The following HACE1 variants were observed in gnomAD, a reference collection of about 807,000 sequenced individuals.
HACE1 encodes the protein HECT domain and ankyrin repeat containing E3 ubiquitin protein ligase 1.
HACE1 carries 73 observed loss-of-function variants against 118.4 expected under a neutral mutation model. That is an observed-to-expected ratio of 0.62 (90% confidence interval 0.51 to 0.75). HACE1 has a LOEUF of 0.75. Ranked by LOEUF, HACE1 falls within the 30% of genes least tolerant of loss-of-function variation. HACE1 has a pLI of 0.00. For missense variants in HACE1, 749 were observed against 1,102.2 expected (o/e 0.68, Z 4.54); for synonymous variants, 368 against 374.8 (o/e 0.98, Z 0.21).
chr6:104,843,003 T>C (rs1775264957), intron 5 of HACE1, among the ~76,000 whole-genome samples: 1 of 152,104 alleles, frequency 6.6e-6, no homozygotes, highest in Non-Finnish European at 1.5e-5. Flanking sequence ...TCCCAGATAC[T>C]TGGGTGGCTG....
At chr6:104,736,961 C>T (rs1219717931) in intron 22 of HACE1, among the ~76,000 whole-genome samples, 1 of 151,902 alleles carries the variant, frequency 6.6e-6, no homozygotes, top group Non-Finnish European at 1.5e-5. Flanking sequence ...AATGATTAAA[C>T]ACTACTTTTA....
At chr6:104,843,795 G>A (rs1011767099) in intron 4 of HACE1, among the ~76,000 whole-genome samples, 6 of 151,474 alleles carry the variant, frequency 4.0e-5, no homozygotes, top group Non-Finnish European at 1.5e-5. Flanking sequence ...GGAGGGTGAG[G>A]AGGGGGATGT....
intron 4 of HACE1, among the ~76,000 whole-genome samples, chr6:104,846,981 T>C (rs186666171): frequency 1.5e-4 from 23 of 152,382 alleles, no homozygotes; most frequent in African/African-American, 5.5e-4. Context: ...TGAATAGCTA[T>C]GTGAATCATG....
chr6:104,783,964 A>G, intron 14 of HACE1, 122 bp downstream of exon 14: 1 of 686,832 alleles, frequency 1.5e-6, no homozygotes, highest in South Asian at 1.7e-5. Flanking sequence ...TATTAAAGTA[A>G]CATGCAATCA....
intron 20 of HACE1, among the ~76,000 whole-genome samples, chr6:104,746,239 G>GT: frequency 6.6e-6 from 1 of 152,260 alleles, no homozygotes; most frequent in East Asian, 1.9e-4. Context: ...AAACTCTTTT[G>GT]TTTTAAGGGG....
intron 5 of HACE1, among the ~76,000 whole-genome samples, chr6:104,836,318 G>C (rs926315324): frequency 1.3e-5 from 2 of 152,192 alleles, no homozygotes; most frequent in African/African-American, 4.8e-5. Context: ...AAAGCTGAGA[G>C]AGACCTTGGA....
chr6:104,844,033 G>A (rs934667323), intron 4 of HACE1, among the ~76,000 whole-genome samples: 4 of 150,618 alleles, frequency 2.7e-5, no homozygotes, highest in Admixed American at 2.6e-4. Context: ...TTTTTGTATG[G>A]GTTTTTTTTT....
rs35701834 is a variant in HACE1 at position 104,845,476 on chromosome 6, CT to C, written c.327-2179del. Among the ~76,000 whole-genome samples the C allele has an allele frequency of 6.7e-3, 899 of 134,084 alleles. 4 individuals are homozygous for C. Among genetic ancestry groups the C allele is most frequent in the African/African-American group, 0.021 (770 of 36,350 alleles). 88.0% of individuals were successfully genotyped at this position (134,084 alleles called of 152,430 possible). ...TGAAGAAAATAAAGCTCTGGGTAAA[CT>C]TTTTTTTTTTTTTTTTTGAGACAAG... On this transcript the variant is annotated intron_variant, in intron 4 of 23. Coordinates refer to ENST00000262903, the MANE Select transcript of HACE1 (RefSeq NM_020771.4).
intron 7 of HACE1, among the ~76,000 whole-genome samples, chr6:104,799,760 A>C (rs1770089095): frequency 6.6e-6 from 1 of 151,854 alleles, no homozygotes; most frequent in South Asian, 2.1e-4. Context: ...CAAGACTCCC[A>C]TTCCAAGATG....
intron 22 of HACE1, among the ~76,000 whole-genome samples, chr6:104,742,400 A>G (rs1172303245): frequency 4.0e-5 from 6 of 149,058 alleles, no homozygotes; most frequent in South Asian, 2.1e-4. Context: ...GAAAATTTTC[A>G]CAACCTACTC....
At chr6:104,762,989 C>CAAAAAAAA (rs56232124) in intron 19 of HACE1, among the ~76,000 whole-genome samples, 6 of 32,224 alleles carry the variant, frequency 1.9e-4, no homozygotes, top group African/African-American at 3.7e-4. Flanking sequence ...GACTCCATCT[C>CAAAAAAAA]AAAAAAAAAA....
chr6:104,817,791 C>T (rs1772276138), intron 6 of HACE1, among the ~76,000 whole-genome samples: 1 of 152,200 alleles, frequency 6.6e-6, no homozygotes, highest in Non-Finnish European at 1.5e-5. Flanking sequence ...CACTACTTGA[C>T]TGAGCAGTAA....
chr6:104,777,324 C>G lies in HACE1; in HGVS notation c.1567-7G>C. On this transcript the variant is annotated splice_region_variant and splice_polypyrimidine_tract_variant and intron_variant, in intron 14 of 23. Transcript: ENST00000262903. ...CACAGCGATCTTTAAAAGGCTAGCT[C>G]AAAAAATAAGAGTAAAATATGTTAG... The G allele has an allele frequency of 6.4e-7, 1 of 1,560,894 alleles. No individual in the cohort carries two copies. Among genetic ancestry groups the G allele is most frequent in the Non-Finnish European group, 8.8e-7 (1 of 1,131,476 alleles).
intron 19 of HACE1, among the ~76,000 whole-genome samples, chr6:104,751,134 A>G (rs1483285152): frequency 6.6e-6 from 1 of 152,126 alleles, no homozygotes; most frequent in African/African-American, 2.4e-5. Flanking sequence ...GGCTATTCCC[A>G]AAACACAAGC....
chr6:104,769,375 T>C (rs79745800), intron 19 of HACE1, among the ~76,000 whole-genome samples: 31 of 152,290 alleles, frequency 2.0e-4, no homozygotes, highest in African/African-American at 5.8e-4. Context: ...TCACCAGATA[T>C]AGTATTCACA....
At chr6:104,796,794 A>G in intron 8 of HACE1, 38 bp from the exon 9 acceptor site, 1 of 1,250,544 alleles carries the variant, frequency 8.0e-7, no homozygotes. Context: ...GTTTAAAAAC[A>G]GTCCCTTTTA....
At chr6:104,745,233 G>A (rs1297589751) in intron 20 of HACE1, among the ~76,000 whole-genome samples, 1 of 152,026 alleles carries the variant, frequency 6.6e-6, no homozygotes, top group Non-Finnish European at 1.5e-5. Flanking sequence ...ATTTTATCCA[G>A]GAAGATCATC....
At chr6:104,764,330 G>A (rs139422742) in intron 19 of HACE1, among the ~76,000 whole-genome samples, 1,636 of 152,132 alleles carry the variant, frequency 0.011, 16 homozygotes, top group Non-Finnish European at 0.019. Context: ...CACTCACCTC[G>A]GCCTCCCAAA....
At chr6:104,732,712 C>A (rs1398510265) in intron 22 of HACE1, among the ~76,000 whole-genome samples, 1 of 152,062 alleles carries the variant, frequency 6.6e-6, no homozygotes, top group Non-Finnish European at 1.5e-5. Context: ...CATTTACACA[C>A]ACACACAAAT....
Sources: allele counts gnomAD v4.1 joint callset (sites outside exome capture counted in the v4.1 genomes callset), GRCh38; gene constraint gnomAD v4.1.1; transcripts MANE v1.5; gene names NCBI Gene and HGNC (gene_info 2026-07-23, HGNC 2026-07-21).